The following CDH2 variants were observed in gnomAD, a reference collection of about 807,000 sequenced individuals.
CDH2 encodes cadherin 2.
Under a neutral mutation model 92.0 loss-of-function variants are expected in CDH2, and 17 were observed. The observed-to-expected ratio is 0.18, with a 90% CI of 0.13 to 0.28. The LOEUF (loss-of-function observed/expected upper bound fraction) is 0.28, where lower values mean the gene tolerates loss of function less well. CDH2 is among the 10% of genes least tolerant of loss of function. CDH2 has a pLI of 1.00. For synonymous variants in CDH2, 419 were observed against 415.9 expected (o/e 1.01, Z -0.09); for missense variants, 862 against 1,133.1 (o/e 0.76, Z 3.44).
intron 7 of CDH2, among the ~76,000 whole-genome samples, chr18:28,002,280 A>G (rs1292091415): frequency 6.6e-6 from 1 of 152,218 alleles, no homozygotes. Context: ...GTAGGAGCAC[A>G]GTGGGTCGAG....
At chr18:27,976,248 C>T (rs1030497360) in intron 14 of CDH2, among the ~76,000 whole-genome samples, 10 of 152,168 alleles carry the variant, frequency 6.6e-5, no homozygotes, top group African/African-American at 2.4e-4. Context: ...GCTGGCATTG[C>T]TCCTTGAACC....
At chr18:27,967,386 T>G (rs2011556597) in intron 14 of CDH2, among the ~76,000 whole-genome samples, 1 of 152,192 alleles carries the variant, frequency 6.6e-6, no homozygotes, top group East Asian at 1.9e-4. Context: ...CCCATAATGA[T>G]GTACATAAAC....
Position 27,985,078 on chromosome 18 carries a change from C to G in CDH2, c.2131G>C (p.Asp711His), listed in dbSNP as rs370864272. ...CCCGCACCCACAATCCTGTCCACAT[C>G]TGTGCAGTCCCCGTTGGAGTCACAC... ...CQCDSNGDCT[D>H]VDRIVGAGLG... Residue 711 changes from aspartate (D) to histidine (H), a missense_variant, in exon 13 of 16, where the codon GAT becomes CAT. Transcript: ENST00000269141. 1.2e-6 allele frequency: 2 copies of G among 1,614,068 alleles called. No homozygotes were observed. Among genetic ancestry groups the G allele is most frequent in the Non-Finnish European group, 1.7e-6 (2 of 1,180,034 alleles).
chr18:28,103,277 A>G (rs948565893), intron 2 of CDH2, among the ~76,000 whole-genome samples: 2 of 145,576 alleles, frequency 1.4e-5, no homozygotes, highest in Non-Finnish European at 3.0e-5. Flanking sequence ...TTATATATAT[A>G]AAGTATATAT....
chr18:28,171,987 A>G (rs756078312), intron 1 of CDH2, among the ~76,000 whole-genome samples: 1 of 152,096 alleles, frequency 6.6e-6, no homozygotes, highest in Non-Finnish European at 1.5e-5. Flanking sequence ...TAAAGTAATC[A>G]ATCAATTATT....
chr18:27,988,166 T>G (rs1262236607), intron 11 of CDH2, among the ~76,000 whole-genome samples: 1 of 152,068 alleles, frequency 6.6e-6, no homozygotes, highest in Admixed American at 6.6e-5. Flanking sequence ...GGAAGACTGA[T>G]AGAGATGCAC....
chr18:28,034,710 C>A, intron 2 of CDH2, among the ~76,000 whole-genome samples: 1 of 151,834 alleles, frequency 6.6e-6, no homozygotes, highest in African/African-American at 2.4e-5. Flanking sequence ...AAAAACAAAA[C>A]TCAAGCTTTT....
chr18:28,165,881 CAG>C (rs1215402183), intron 1 of CDH2, among the ~76,000 whole-genome samples: 2 of 151,686 alleles, frequency 1.3e-5, no homozygotes, highest in African/African-American at 2.4e-5. Context: ...TTCAGAAAAA[CAG>C]AAACTTTAAC....
chr18:28,132,374 T>C (rs550865115), intron 2 of CDH2, among the ~76,000 whole-genome samples: 1 of 152,338 alleles, frequency 6.6e-6, no homozygotes, highest in Non-Finnish European at 1.5e-5. Flanking sequence ...GGCCAGTTTC[T>C]TTCCTTCTCT....
intron 1 of CDH2, among the ~76,000 whole-genome samples, chr18:28,160,393 A>T (rs1397706577): frequency 1.3e-5 from 2 of 152,100 alleles, no homozygotes; most frequent in African/African-American, 4.8e-5. Flanking sequence ...TAAAAAGAGG[A>T]TTATTTCAAC....
At chr18:28,002,288 G>A (rs1045606799) in intron 7 of CDH2, among the ~76,000 whole-genome samples, 1 of 152,144 alleles carries the variant, frequency 6.6e-6, no homozygotes, top group Non-Finnish European at 1.5e-5. Context: ...ACAGTGGGTC[G>A]AGGCCTGTAA....
intron 15 of CDH2, among the ~76,000 whole-genome samples, chr18:27,953,839 T>TTCAC (rs1280842919): frequency 1.3e-5 from 2 of 152,270 alleles, no homozygotes; most frequent in East Asian, 3.9e-4. Context: ...GACTGGCACA[T>TTCAC]GTAGAGCTCA....
At chr18:27,961,972 G>A (rs2011417348) in intron 15 of CDH2, among the ~76,000 whole-genome samples, 1 of 151,912 alleles carries the variant, frequency 6.6e-6, no homozygotes, top group Admixed American at 6.6e-5. Context: ...AAAATTGTAA[G>A]GTCCAGTTCC....
At position 28,041,442 on chromosome 18, in the gene CDH2, A is replaced by G. The variant is rs17535531; in HGVS notation, c.173-27533T>C. On this transcript the variant is annotated intron_variant, in intron 2 of 15. Transcript: ENST00000269141. ...AATAAAAAGAATGGATTTCTACTGA[A>G]TACTTTCTACTTTAATCAAAGCCCG... 5.3e-3 allele frequency among the ~76,000 whole-genome samples: 804 copies of G among 152,320 alleles called. 3 individuals carry two copies. Among genetic ancestry groups the G allele is most frequent in the African/African-American group, 0.018 (731 of 41,568 alleles).
intron 2 of CDH2, among the ~76,000 whole-genome samples, chr18:28,109,332 A>C (rs1402498426): frequency 1.3e-5 from 2 of 152,200 alleles, no homozygotes; most frequent in African/African-American, 4.8e-5. Flanking sequence ...TTTGCAAAGA[A>C]GTGGCAAAAC....
chr18:27,992,530 C>A, intron 9 of CDH2, 125 bp downstream of exon 9: 1 of 713,044 alleles, frequency 1.4e-6, no homozygotes. Context: ...ATATATCAGA[C>A]CCACATCTGG....
intron 1 of CDH2, among the ~76,000 whole-genome samples, chr18:28,154,058 T>C (rs564714629): frequency 6.6e-6 from 1 of 152,292 alleles, no homozygotes; most frequent in African/African-American, 2.4e-5. Context: ...ATCCAGCCCT[T>C]ATCTTTACCT....
intron 2 of CDH2, among the ~76,000 whole-genome samples, chr18:28,031,875 G>A (rs1460145787): frequency 2.6e-5 from 4 of 151,944 alleles, no homozygotes; most frequent in African/African-American, 7.3e-5. Flanking sequence ...GATCAGAGCC[G>A]ACTTGTCCAG....
chr18:28,137,973 C>T (rs1452039215), intron 2 of CDH2, among the ~76,000 whole-genome samples: 3 of 151,820 alleles, frequency 2.0e-5, no homozygotes, highest in Admixed American at 2.0e-4. Flanking sequence ...CTTAAAGTTG[C>T]TGTAGGCTGA....
Sources: allele counts gnomAD v4.1 joint callset (sites outside exome capture counted in the v4.1 genomes callset), GRCh38; gene constraint gnomAD v4.1.1; transcripts MANE v1.5; gene names NCBI Gene and HGNC (gene_info 2026-07-23, HGNC 2026-07-21).